Variants in TMEM126A observed in about 807,000 individuals in gnomAD.
The protein encoded by TMEM126A is optic atrophy 7.
TMEM126A carries 10 observed loss-of-function variants against 18.3 expected under a neutral mutation model. The observed-to-expected ratio is 0.55, with a 90% CI of 0.34 to 0.93. The LOEUF (loss-of-function observed/expected upper bound fraction) is 0.93, where lower values mean the gene tolerates loss of function less well. TMEM126A is among the 40% of genes least tolerant of loss of function. TMEM126A has a pLI of 0.02. For missense variants in TMEM126A, 246 were observed against 230.2 expected, an observed-to-expected ratio of 1.07 and a Z score of -0.44; for synonymous variants, 68 against 78.1, an observed-to-expected ratio of 0.87 and a Z score of 0.68.
chr11:85,655,534 T>C (rs1368448229), intron 3 of TMEM126A, 60 bp from the exon 4 acceptor site: 1 of 1,244,826 alleles, frequency 8.0e-7, no homozygotes, highest in Non-Finnish European at 1.2e-6. Context: ...TCTTACATTC[T>C]TTAAATCATG....
intron 3 of TMEM126A, among the ~76,000 whole-genome samples, chr11:85,655,147 G>A (rs922542427): frequency 6.6e-6 from 1 of 152,142 alleles, no homozygotes; most frequent in African/African-American, 2.4e-5. Context: ...AGGGAAGGCA[G>A]TCCATCTAAA....
In TMEM126A at chr11:85,651,069, CAAA is replaced by C. The variant is rs3068382; in HGVS notation, c.86+748_86+750del. Among the ~76,000 whole-genome samples, 481 of 79,842 alleles carry C rather than the reference CAAA, an allele frequency of 6.0e-3. 1 individual carries two copies. Among genetic ancestry groups the C allele is most frequent in the Middle Eastern group, 0.029 (3 of 104 alleles). 52.4% of individuals were successfully genotyped at this position (79,842 alleles called of 152,430 possible). ...GGGCGACAAGAGTGAGGATCCGTCTCAAAAAAAAAAAAAAAAAAAAAAGATATT... is the reference window on the plus strand; with the variant it reads ...GGGCGACAAGAGTGAGGATCCGTCTCAAAAAAAAAAAAAAAAAAAGATATT... On this transcript the variant is annotated intron_variant, in intron 2 of 4. Transcript: ENST00000304511.
intron 2 of TMEM126A, among the ~76,000 whole-genome samples, chr11:85,651,744 T>C (rs1331543894): frequency 6.6e-6 from 1 of 151,916 alleles, no homozygotes; most frequent in East Asian, 1.9e-4. Flanking sequence ...TCACCCCCCC[T>C]CCCCACACTC....
At chr11:85,654,546 G>A (rs555324806) in intron 3 of TMEM126A, among the ~76,000 whole-genome samples, 2 of 152,254 alleles carry the variant, frequency 1.3e-5, no homozygotes, top group South Asian at 4.1e-4. Flanking sequence ...CCACCTTCTG[G>A]GTTCAAGCAA....
intron 2 of TMEM126A, among the ~76,000 whole-genome samples, chr11:85,651,690 A>C (rs2082501210): frequency 6.6e-6 from 1 of 152,144 alleles, no homozygotes; most frequent in African/African-American, 2.4e-5. Context: ...GGGGAAGAAA[A>C]AAAAGGCCAG....
Position 85,655,306 on chromosome 11 carries a change from T to C in TMEM126A, c.281-288T>C, listed in dbSNP as rs543694815. 4.8e-4 allele frequency: 165 copies of C among 343,638 alleles called. 1 individual carries two copies. The highest frequency in any genetic ancestry group is 2.5e-3 in the South Asian group (92 of 37,462). The allele number at this position is 343,638 out of a possible 1,614,324, so 21.3% of individuals were successfully genotyped here. Reference sequence around the variant, plus strand: ...AGTGAAAATATTAGCCTAGGTCTGTTGATAAAAAACAAGGCAGAAAGCTAG... The same window carrying C: ...AGTGAAAATATTAGCCTAGGTCTGTCGATAAAAAACAAGGCAGAAAGCTAG... On this transcript the variant is annotated intron_variant, in intron 3 of 4. Coordinates refer to ENST00000304511, the MANE Select transcript of TMEM126A (RefSeq NM_032273.4).
At chr11:85,650,740 CAG>C (rs1333897352) in intron 2 of TMEM126A, among the ~76,000 whole-genome samples, 2 of 151,998 alleles carry the variant, frequency 1.3e-5, no homozygotes, top group African/African-American at 4.8e-5. Context: ...TAGAGAATGT[CAG>C]AGAAATAGGA....
chr11:85,649,858 G>C (rs974109919), intron 1 of TMEM126A, among the ~76,000 whole-genome samples: 2 of 152,104 alleles, frequency 1.3e-5, no homozygotes, highest in African/African-American at 2.4e-5. Flanking sequence ...TTTTCATGTT[G>C]ATATGTAGTT....
intron 2 of TMEM126A, among the ~76,000 whole-genome samples, chr11:85,653,560 C>T (rs1270306891): frequency 1.3e-5 from 2 of 152,198 alleles, no homozygotes; most frequent in African/African-American, 2.4e-5. Context: ...AGTTCTACCA[C>T]TACCTGAAAA....
Position 85,653,918 on chromosome 11 carries a change from A to G in TMEM126A, c.87-145A>G, listed in dbSNP as rs944017418. ...GAGAAGAGCAAAAACCTATATATAA[A>G]GCAATTTTTAAGATTTTGGTTCTAT... On this transcript the variant is annotated intron_variant, in intron 2 of 4. Coordinates refer to ENST00000304511, the MANE Select transcript of TMEM126A (RefSeq NM_032273.4). The G allele has an allele frequency of 3.3e-6, 3 of 917,666 alleles. No individual in the cohort carries two copies. In the Admixed American group the frequency reaches 6.0e-5, roughly 18 times the overall value. 56.8% of individuals were successfully genotyped at this position (917,666 alleles called of 1,614,324 possible).
intron 2 of TMEM126A, among the ~76,000 whole-genome samples, chr11:85,651,938 CT>C (rs770697448): frequency 5.9e-5 from 9 of 152,152 alleles, no homozygotes; most frequent in Non-Finnish European, 8.8e-5. Context: ...CGGAGGCGGG[CT>C]GGTCACCTGA....
chr11:85,655,998 T>G (rs1358483303), intron 4 of TMEM126A, among the ~76,000 whole-genome samples: 1 of 152,196 alleles, frequency 6.6e-6, no homozygotes, highest in African/African-American at 2.4e-5. Flanking sequence ...TATAAACAAT[T>G]ATCTTGGATG....
chr11:85,650,910 A>C (rs2082494161), intron 2 of TMEM126A, among the ~76,000 whole-genome samples: 1 of 151,960 alleles, frequency 6.6e-6, no homozygotes, highest in Admixed American at 6.6e-5. Context: ...CTCTACTAAA[A>C]GTACAAAAAT....
intron 2 of TMEM126A, 126 bp from the exon 3 acceptor site, chr11:85,653,937 G>T: frequency 8.5e-7 from 1 of 1,176,760 alleles, no homozygotes; most frequent in Non-Finnish European, 1.3e-6. Context: ...TAAGATTTTG[G>T]TTCTATAAGG....
intron 4 of TMEM126A, 56 bp from the exon 5 acceptor site, chr11:85,656,253 T>C: frequency 6.8e-7 from 1 of 1,474,718 alleles, no homozygotes; most frequent in East Asian, 2.3e-5. Flanking sequence ...CACAGATGGG[T>C]TTGCCATTTG....
intron 1 of TMEM126A, among the ~76,000 whole-genome samples, chr11:85,648,938 T>TG (rs1331856424): frequency 1.2e-4 from 18 of 148,146 alleles, no homozygotes; most frequent in African/African-American, 3.7e-4. Flanking sequence ...CCTGAACTGT[T>TG]TTTTTTTTTT....
rs571374732 is a variant in TMEM126A, at chr11:85,650,400, C to G, written c.86+59C>G. On this transcript the variant is annotated intron_variant, in intron 2 of 4. Transcript: ENST00000304511. The stretch of plus-strand genomic sequence containing the variant: ...ATCAGGTGGATTTTCACCATTGATT[C>G]ATTATCTCAAGTTTATCTGGTTTGA... The G allele has an allele frequency of 2.5e-6, 3 of 1,216,608 alleles. No individual in the cohort carries two copies. The African/African-American group carries it at 4.5e-5, about 18-fold the overall frequency. 75.4% of individuals were successfully genotyped at this position (1,216,608 alleles called of 1,614,324 possible).
intron 2 of TMEM126A, among the ~76,000 whole-genome samples, chr11:85,652,051 C>T (rs2082504790): frequency 6.6e-6 from 1 of 152,158 alleles, no homozygotes; most frequent in African/African-American, 2.4e-5. Context: ...GTAGTCCTAC[C>T]CACTGGAGAA....
In TMEM126A at chr11:85,655,658, T is replaced by C; in HGVS notation, c.345T>C (p.Gly115=). Residue 115 remains glycine, a synonymous_variant, in exon 4 of 5, where the codon GGT becomes GGC. Coordinates refer to ENST00000304511, the MANE Select transcript of TMEM126A (RefSeq NM_032273.4). ...RSGLTGLVIG[G]LYPVFLAIPV... ...GACTGACTGGTCTTGTTATTGGTGG[T>C]CTATACCCTGTTTTCTTGGCTATAC... is the stretch of plus-strand genomic sequence containing the variant. 1 of 1,613,756 alleles carries C rather than the reference T, an allele frequency of 6.2e-7. No homozygotes were observed.
Sources: gnomAD v4.1 joint callset for allele counts (sites outside exome capture counted in the v4.1 genomes callset) on GRCh38, gnomAD v4.1.1 for gene constraint, MANE v1.5 for transcripts, NCBI Gene and HGNC (gene_info 2026-07-23, HGNC 2026-07-21) for gene names.